BBS2: variants seen among roughly 807,000 people sequenced by gnomAD.
BBS2 encodes the protein Bardet-Biedl syndrome 2, also known as BBSome complex member BBS2.
Under a neutral mutation model 83.0 loss-of-function variants are expected in BBS2, and 62 were observed. The ratio of observed to expected loss-of-function variants is 0.75; its 90% CI spans 0.61 to 0.92. The LOEUF is 0.92. Ranked by LOEUF, BBS2 falls within the 40% of genes least tolerant of loss-of-function variation. The pLI, the probability that BBS2 is intolerant of heterozygous loss-of-function variation, is 0.00. For missense variants in BBS2, 784 were observed against 901.0 expected (o/e 0.87, Z 1.66); for synonymous variants, 303 against 326.1 (o/e 0.93, Z 0.76).
chr16:56,497,313 A>G (rs1449023939), intron 14 of BBS2: 1 of 572,792 alleles, frequency 1.7e-6, no homozygotes, highest in Non-Finnish European at 3.1e-6. Flanking sequence ...TAGCACCAGG[A>G]GCCCCCACAA....
chr16:56,511,183 A>G lies in BBS2; in HGVS notation c.447T>C (p.His149=), dbSNP rs528586189. 3 of 1,614,154 alleles carry G rather than the reference A, an allele frequency of 1.9e-6. No homozygotes were observed. The highest frequency in any genetic ancestry group is 3.3e-5 in the Admixed American group (2 of 60,034). ...CCGTCCAAAAGAGATCACTTCCTTC[A>G]TGATTGAAACCTTGCAGAGCACAAT... The part of the protein sequence containing the change: ...GGNCALQGFN[H]EGSDLFWTVT... Residue 149 remains histidine (H), a synonymous_variant, in exon 3 of 17, where the codon CAT becomes CAC. Transcript: ENST00000245157.
Position 56,506,194 on chromosome 16 carries a change from T to C in BBS2, c.643A>G (p.Ser215Gly). ...IVTSLCPMYGSRFGYALSNGT... is the reference protein window; with the variant it reads ...IVTSLCPMYGGRFGYALSNGT... ...TTGGAAAGGGCATAACCAAATCGACTGCCATACATGGGACAAAGAGAGGTG... is the reference window on the plus strand; with the variant it reads ...TTGGAAAGGGCATAACCAAATCGACCGCCATACATGGGACAAAGAGAGGTG... Residue 215 changes from serine to glycine, a missense_variant, in exon 6 of 17, where the codon AGT becomes GGT. By Grantham distance (56) the Ser-to-Gly change is moderately conservative. Transcript: ENST00000245157. The C allele has an allele frequency of 6.2e-7, 1 of 1,613,974 alleles. No homozygotes were observed. Among genetic ancestry groups the C allele is most frequent in the East Asian group, 2.2e-5 (1 of 44,864 alleles).
intron 1 of BBS2, among the ~76,000 whole-genome samples, chr16:56,514,894 G>A (rs1480760427): frequency 6.6e-6 from 1 of 152,198 alleles, no homozygotes; most frequent in South Asian, 2.1e-4. Context: ...AGCCTTGTAA[G>A]GAACAAGGTA....
At chr16:56,515,225 A>G (rs1964700393) in intron 1 of BBS2, among the ~76,000 whole-genome samples, 2 of 152,208 alleles carry the variant, frequency 1.3e-5, no homozygotes. Context: ...AGTGACATAG[A>G]ACTAAGTAAT....
chr16:56,472,246 A>G (rs541973583), intron 17 of BBS2, among the ~76,000 whole-genome samples: 20 of 152,232 alleles, frequency 1.3e-4, no homozygotes, highest in African/African-American at 4.6e-4. Flanking sequence ...CAGTGATTAC[A>G]AGCGTGACCA....
At chr16:56,507,310 C>G (rs1964447377) in intron 5 of BBS2, among the ~76,000 whole-genome samples, 1 of 152,188 alleles carries the variant, frequency 6.6e-6, no homozygotes, top group Non-Finnish European at 1.5e-5. Flanking sequence ...CCTTAGTTCA[C>G]CAGTTTCTTC....
intron 13 of BBS2, 119 bp from the exon 14 acceptor site, chr16:56,497,999 G>T: frequency 9.5e-7 from 1 of 1,051,308 alleles, no homozygotes; most frequent in Non-Finnish European, 1.4e-6. Context: ...TATATATGCA[G>T]TGTTGAAAAA....
chr16:56,496,330 TAAAC>T lies in BBS2; in HGVS notation c.1910+633_1910+636del, dbSNP rs1430383012. 7.9e-5 allele frequency among the ~76,000 whole-genome samples: 12 copies of T among 152,342 alleles called. 1 individual carries two copies. The South Asian group carries it at 1.9e-3, about 24-fold the overall frequency. Reference sequence around the variant, plus strand: ...AAAAATTCAGAATATTTAATGAAGTTAAACAAGACTTCAGACAGGAAGTTTCCCA... The same window carrying T: ...AAAAATTCAGAATATTTAATGAAGTTAAGACTTCAGACAGGAAGTTTCCCA... On this transcript the variant is annotated intron_variant, in intron 15 of 16. Transcript: ENST00000245157.
intron 12 of BBS2, 112 bp downstream of exon 12, chr16:56,499,666 C>G: frequency 6.9e-7 from 1 of 1,454,436 alleles, no homozygotes; most frequent in Non-Finnish European, 9.6e-7. Context: ...TCTTTCATAT[C>G]ATATTTACTG....
intron 15 of BBS2, among the ~76,000 whole-genome samples, chr16:56,494,099 C>G (rs1011239665): frequency 2.9e-4 from 44 of 151,248 alleles, no homozygotes; most frequent in Middle Eastern, 3.4e-3. Context: ...ACTAGGACTA[C>G]AGGCATGCAC....
At chr16:56,486,911 C>T (rs1185982701) in intron 15 of BBS2, among the ~76,000 whole-genome samples, 3 of 151,708 alleles carry the variant, frequency 2.0e-5, no homozygotes, top group Admixed American at 6.6e-5. Context: ...TACAGGTACC[C>T]GCCACCACAC....
chr16:56,500,699 C>A, intron 11 of BBS2, 155 bp downstream of exon 11: 2 of 644,478 alleles, frequency 3.1e-6, no homozygotes, highest in Non-Finnish European at 5.3e-6. Context: ...AGGTTTCAAA[C>A]TGAGGAAATA....
chr16:56,496,206 C>T (rs994967888), intron 15 of BBS2, among the ~76,000 whole-genome samples: 7 of 152,002 alleles, frequency 4.6e-5, no homozygotes, highest in African/African-American at 1.7e-4. Flanking sequence ...TTTTTCAGTA[C>T]ATTTTATTGG....
chr16:56,470,572 C>T, exon 18 of BBS2: 1 of 1,614,148 alleles, frequency 6.2e-7, no homozygotes. Flanking sequence ...ACTATTCTTG[C>T]TGCTCTCCAA....
chr16:56,501,432 C>T lies in BBS2; in HGVS notation c.1146G>A (p.Arg382=). ...GGCTGACTGAGAGCGTGGTGTGGAG[C>T]CTGGTATTGGCTGGGATTATGCCCC... is the stretch of plus-strand genomic sequence containing the variant. ...GHRGIIPANT[R]LHTTLSVSLG... Residue 382 remains arginine (R), a synonymous_variant, in exon 10 of 17, where the codon AGG becomes AGA. Coordinates refer to ENST00000245157, the MANE Select transcript of BBS2 (RefSeq NM_031885.5). 1 of 1,614,136 alleles carries T rather than the reference C, an allele frequency of 6.2e-7. No homozygotes were observed. The highest frequency in any genetic ancestry group is 1.1e-5 in the South Asian group (1 of 91,084).
chr16:56,475,973 C>G, intron 17 of BBS2: 1 of 1,346,288 alleles, frequency 7.4e-7, no homozygotes, highest in South Asian at 1.3e-5. Context: ...ACCATCTGTT[C>G]CATGGTTAAT....
intron 5 of BBS2, among the ~76,000 whole-genome samples, chr16:56,507,007 T>C (rs1350984349): frequency 1.3e-5 from 2 of 152,126 alleles, no homozygotes; most frequent in African/African-American, 4.8e-5. Context: ...AGAATAGTTA[T>C]ATAATTTCCT....
chr16:56,484,839 A>G lies in BBS2; in HGVS notation c.2088T>C (p.Thr696=), dbSNP rs886052144. The change falls in exon 17 of 17, where the codon ACT becomes ACC. Residue 696 remains threonine, a synonymous_variant. Transcript: ENST00000245157. ...RVGKPKNQVI[T]ACRDAIRSNN... is the part of the protein sequence containing the mutation. ...TGCTTCGAATTGCATCCCGACAAGCAGTGATCACCTGGTTCTTTGGTTTTC... is the reference window on the plus strand; with the variant it reads ...TGCTTCGAATTGCATCCCGACAAGCGGTGATCACCTGGTTCTTTGGTTTTC... The G allele has an allele frequency of 2.1e-5, 34 of 1,613,954 alleles. No homozygotes were observed. Among genetic ancestry groups the G allele is most frequent in the Non-Finnish European group, 2.5e-5 (30 of 1,179,942 alleles).
intron 17 of BBS2, chr16:56,478,074 AAG>A (rs1963555367): frequency 6.6e-6 from 1 of 152,216 alleles, no homozygotes; most frequent in African/African-American, 2.4e-5. Flanking sequence ...ATGAGATAAA[AAG>A]AAATATCTAG....
Sources: allele counts gnomAD v4.1 joint callset (sites outside exome capture counted in the v4.1 genomes callset), GRCh38; gene constraint gnomAD v4.1.1; transcripts MANE v1.5; gene names NCBI Gene and HGNC (gene_info 2026-07-23, HGNC 2026-07-21).